Variants in SCAMP1 observed in about 807,000 individuals in gnomAD.
SCAMP1 encodes the protein secretory carrier membrane protein 1.
SCAMP1 carries 15 observed loss-of-function variants against 41.8 expected under a neutral mutation model. The observed-to-expected ratio is 0.36, with a 90% CI of 0.24 to 0.55. The LOEUF (loss-of-function observed/expected upper bound fraction) is 0.55, where lower values mean the gene tolerates loss of function less well. SCAMP1 is among the 20% of genes least tolerant of loss of function. The pLI is 0.86. For synonymous variants in SCAMP1, 135 were observed against 136.8 expected (o/e 0.99, Z 0.09); for missense variants, 341 against 412.6 (o/e 0.83, Z 1.50).
intron 6 of SCAMP1, among the ~76,000 whole-genome samples, chr5:78,437,528 C>T (rs926920737): frequency 2.6e-4 from 39 of 152,012 alleles, no homozygotes; most frequent in African/African-American, 7.3e-4. Context: ...TTGATTTGCG[C>T]ATGTTGAACC....
chr5:78,474,103 G>GT (rs1338079834), intron 8 of SCAMP1, among the ~76,000 whole-genome samples: 13 of 152,038 alleles, frequency 8.6e-5, no homozygotes, highest in African/African-American at 3.1e-4. Context: ...TATTGCCCAG[G>GT]TTGGAGTGGA....
At chr5:78,404,147 C>T (rs1317641877) in intron 2 of SCAMP1, among the ~76,000 whole-genome samples, 3 of 149,288 alleles carry the variant, frequency 2.0e-5, no homozygotes, top group East Asian at 2.0e-4. Flanking sequence ...TTTTAAACTT[C>T]GTCTATTTCT....
chr5:78,405,823 C>G (rs914999783), intron 2 of SCAMP1, among the ~76,000 whole-genome samples: 4 of 152,188 alleles, frequency 2.6e-5, no homozygotes, highest in Non-Finnish European at 5.9e-5. Context: ...AACTCCCATA[C>G]TGGTATATTT....
intron 8 of SCAMP1, among the ~76,000 whole-genome samples, chr5:78,473,866 T>C (rs933284552): frequency 6.6e-6 from 1 of 152,186 alleles, no homozygotes; most frequent in African/African-American, 2.4e-5. Flanking sequence ...TTTGGGCTGC[T>C]ATAACAAAAA....
rs557517722 is a variant in SCAMP1, at chr5:78,388,926, C to A, written c.135+12C>A. ...CGGATTCTAGAACAGTAAGATTATT[C>A]TTGCTTTTAAATGTTTAAATTGAAA... is the stretch of plus-strand genomic sequence containing the variant. On this transcript the variant is annotated intron_variant, in intron 2 of 8. Coordinates refer to ENST00000621999, the MANE Select transcript of SCAMP1 (RefSeq NM_004866.6). 24 of 1,350,088 alleles carry A rather than the reference C, an allele frequency of 1.8e-5. No individual in the cohort carries two copies. The East Asian group carries it at 4.0e-4, about 23-fold the overall frequency. 83.6% of individuals were successfully genotyped at this position (1,350,088 alleles called of 1,614,324 possible).
At chr5:78,385,878 T>A (rs1751329323) in intron 1 of SCAMP1, among the ~76,000 whole-genome samples, 1 of 152,192 alleles carries the variant, frequency 6.6e-6, no homozygotes, top group African/African-American at 2.4e-5. Context: ...TGGTCTATCT[T>A]GGGGAATGTT....
Position 78,416,559 on chromosome 5 carries a change from G to A in SCAMP1, c.253G>A (p.Ala85Thr). 6.3e-7 allele frequency: 1 copy of A among 1,596,920 alleles called. No homozygotes were observed. Among genetic ancestry groups the A allele is most frequent in the Non-Finnish European group, 8.5e-7 (1 of 1,171,444 alleles). The change falls in exon 4 of 9, where the codon GCT becomes ACT. Residue 85 changes from alanine (A) to threonine (T), a missense_variant. By Grantham distance (58) the Ala-to-Thr change is moderately conservative. Transcript: ENST00000621999. The part of the protein sequence containing the change: ...QIAKEHALAQ[A>T]ELLKRQEELE... ...TATTTAGGAACATGCATTGGCCCAA[G>A]CTGAACTTCTTAAGCGCCAGGAAGA...
At chr5:78,384,661 A>G (rs1227865457) in intron 1 of SCAMP1, among the ~76,000 whole-genome samples, 2 of 150,830 alleles carry the variant, frequency 1.3e-5, no homozygotes, top group Non-Finnish European at 3.0e-5. Flanking sequence ...CTTTTTCACA[A>G]AGGGATACTG....
chr5:78,389,911 T>C (rs1032643782), intron 2 of SCAMP1, among the ~76,000 whole-genome samples: 2 of 152,224 alleles, frequency 1.3e-5, no homozygotes, highest in African/African-American at 4.8e-5. Context: ...TTGTGTCCTT[T>C]AGTAAGCTGC....
chr5:78,375,559 C>T (rs1161923975), intron 1 of SCAMP1, among the ~76,000 whole-genome samples: 1 of 152,094 alleles, frequency 6.6e-6, no homozygotes, highest in Non-Finnish European at 1.5e-5. Flanking sequence ...CTTGATAGAA[C>T]TATAAATGTG....
chr5:78,469,930 A>AAAAAAAAAAAC (rs1753842741), intron 8 of SCAMP1, among the ~76,000 whole-genome samples: 2 of 21,056 alleles, frequency 9.5e-5, no homozygotes, highest in Admixed American at 3.1e-4. Context: ...AAAAAAAAAA[A>AAAAAAAAAAAC]AACAACAACA....
chr5:78,436,848 A>G (rs950740863), intron 6 of SCAMP1, among the ~76,000 whole-genome samples: 2 of 152,092 alleles, frequency 1.3e-5, no homozygotes, highest in African/African-American at 2.4e-5. Context: ...GATTCTTCCT[A>G]TACATGGGCA....
chr5:78,422,986 T>C (rs1752374215), intron 6 of SCAMP1, among the ~76,000 whole-genome samples: 1 of 151,668 alleles, frequency 6.6e-6, no homozygotes, highest in Non-Finnish European at 1.5e-5. Context: ...ATCTCTTTAG[T>C]TAACCAGAAT....
At chr5:78,364,423 G>T (rs575036993) in intron 1 of SCAMP1, among the ~76,000 whole-genome samples, 17 of 152,138 alleles carry the variant, frequency 1.1e-4, no homozygotes, top group Non-Finnish European at 1.8e-4. Flanking sequence ...AAGAGAATTA[G>T]AATTTCACAG....
intron 4 of SCAMP1, among the ~76,000 whole-genome samples, chr5:78,416,974 T>A (rs1752225910): frequency 6.6e-6 from 1 of 152,244 alleles, no homozygotes. Flanking sequence ...GGACTCTTTA[T>A]GAGTACATTT....
At chr5:78,467,013 G>A (rs1753765585) in intron 8 of SCAMP1, among the ~76,000 whole-genome samples, 1 of 152,154 alleles carries the variant, frequency 6.6e-6, no homozygotes, top group Non-Finnish European at 1.5e-5. Flanking sequence ...GAGAGTACAA[G>A]AAAAATGGTT....
rs1230036935 is a variant in SCAMP1 at position 78,386,119 on chromosome 5, A to G, written c.58-2718A>G. Among the ~76,000 whole-genome samples the G allele has an allele frequency of 1.3e-5, 2 of 152,102 alleles. 1 individual carries two copies. Among genetic ancestry groups the G allele is most frequent in the Middle Eastern group, 6.3e-3 (2 of 316 alleles). On this transcript the variant is annotated intron_variant, in intron 1 of 8. Coordinates refer to ENST00000621999, the MANE Select transcript of SCAMP1 (RefSeq NM_004866.6). ...TCTTAGGTCTAGTAGTACTTGTTTTATAAATTTGGGACCTCCAGTGTTAGG... is the reference window on the plus strand; with the variant it reads ...TCTTAGGTCTAGTAGTACTTGTTTTGTAAATTTGGGACCTCCAGTGTTAGG...
At position 78,479,252 on chromosome 5, in the gene SCAMP1, T is replaced by G. The variant is rs1754076030; in HGVS notation, c.*3584T>G. Reference sequence around the variant, plus strand: ...GAGGAATTTGTTCATTTCATGTGATTAAGCCCTTTAGAGATGAAATAAGAT... The same window carrying G: ...GAGGAATTTGTTCATTTCATGTGATGAAGCCCTTTAGAGATGAAATAAGAT... On this transcript the variant is annotated 3_prime_UTR_variant, in exon 9 of 9. Coordinates refer to ENST00000621999, the MANE Select transcript of SCAMP1 (RefSeq NM_004866.6). 6.6e-6 allele frequency among the ~76,000 whole-genome samples: 1 copy of G among 152,178 alleles called. No homozygotes were observed. Among genetic ancestry groups the G allele is most frequent in the African/African-American group, 2.4e-5 (1 of 41,450 alleles).
chr5:78,457,379 C>G (rs1477462068), intron 7 of SCAMP1, among the ~76,000 whole-genome samples: 2 of 152,082 alleles, frequency 1.3e-5, no homozygotes, highest in Admixed American at 6.5e-5. Context: ...GATGTCCTTT[C>G]TGTTTGTTAG....
Sources: gnomAD v4.1 joint callset for allele counts (sites outside exome capture counted in the v4.1 genomes callset) on GRCh38, gnomAD v4.1.1 for gene constraint, MANE v1.5 for transcripts, NCBI Gene and HGNC (gene_info 2026-07-23, HGNC 2026-07-21) for gene names.